SHOC2: variants seen among roughly 807,000 people sequenced by gnomAD.
SHOC2 encodes leucine-rich repeat protein SHOC-2.
Under a neutral mutation model 50.2 loss-of-function variants are expected in SHOC2, and 4 were observed. The ratio of observed to expected loss-of-function variants is 0.08; its 90% confidence interval spans 0.04 to 0.18. The LOEUF is 0.18. Among genes scored for constraint, SHOC2 ranks in the 10% least tolerant of loss-of-function variants. The probability of loss-of-function intolerance (pLI) is 1.00; values close to 1 mark genes in which losing one functional copy is unlikely to be tolerated. For synonymous variants in SHOC2, 218 were observed against 244.5 expected (o/e 0.89, Z 1.01); for missense variants, 388 against 669.6 (o/e 0.58, Z 4.64).
intron 2 of SHOC2, among the ~76,000 whole-genome samples, chr10:110,978,053 C>G (rs1358107030): frequency 6.6e-6 from 1 of 152,240 alleles, no homozygotes; most frequent in Non-Finnish European, 1.5e-5. Flanking sequence ...AGACTAAAAT[C>G]GTTTGCCCTA....
rs200544176 is a variant in SHOC2 at position 111,000,422 on chromosome 10, G to A, written c.849G>A (p.Leu283=). ...TTTTGTGTGTGTTTACAGGAAACCT[G>A]TCCAGTTTAAGTCGTCTTGGTCTGA... The part of the protein sequence containing the change: ...LLDLPDTIGN[L]SSLSRLGLRY... Residue 283 remains leucine, a synonymous_variant, in exon 4 of 9, where the codon CTG becomes CTA. Coordinates refer to ENST00000369452, the MANE Select transcript of SHOC2 (RefSeq NM_007373.4). 1.1e-5 allele frequency: 18 copies of A among 1,613,654 alleles called. No homozygotes were observed. The highest frequency in any genetic ancestry group is 1.4e-5 in the Non-Finnish European group (17 of 1,179,822).
chr10:110,982,405 G>T (rs1847998579), intron 2 of SHOC2, among the ~76,000 whole-genome samples: 1 of 151,656 alleles, frequency 6.6e-6, no homozygotes, highest in Non-Finnish European at 1.5e-5. Flanking sequence ...GGTATTTCCA[G>T]TTCTAGATCC....
Position 110,964,244 on chromosome 10 carries a change from A to G in SHOC2, c.-115A>G. The G allele has an allele frequency of 6.7e-7, 1 of 1,486,310 alleles. No individual in the cohort carries two copies. The highest frequency in any genetic ancestry group is 9.0e-7 in the Non-Finnish European group (1 of 1,110,830). The allele number at this position is 1,486,310 out of a possible 1,614,324, so 92.1% of individuals were successfully genotyped here. A position where few individuals can be genotyped will look rare whatever the true frequency, so the allele number is the denominator to read the frequency against. The stretch of plus-strand genomic sequence containing the variant: ...AGATGGATGTTACTCCATGCTGATT[A>G]CTTCTTCAAGCCAGTACTTTTTTGA... On this transcript the variant is annotated 5_prime_UTR_variant, in exon 2 of 9. Coordinates refer to ENST00000369452, the MANE Select transcript of SHOC2 (RefSeq NM_007373.4). This position sits in a 1 kb window ranked among gnomAD's most constrained non-coding sequence, Gnocchi z 4.9.
chr10:110,940,910 G>GTTTT (rs539552844), intron 1 of SHOC2, among the ~76,000 whole-genome samples: 42 of 119,458 alleles, frequency 3.5e-4, no homozygotes, highest in South Asian at 1.1e-3. Flanking sequence ...TTTGTGGTGG[G>GTTTT]TTTTTTTTTT....
chr10:110,951,081 A>T (rs776631265), intron 1 of SHOC2, among the ~76,000 whole-genome samples: 8 of 152,244 alleles, frequency 5.3e-5, no homozygotes, highest in Non-Finnish European at 7.3e-5. Context: ...AAAGGAAATG[A>T]TCAACAGAGT....
chr10:110,999,523 G>A (rs1161067802), intron 3 of SHOC2, among the ~76,000 whole-genome samples: 1 of 151,974 alleles, frequency 6.6e-6, no homozygotes, highest in Non-Finnish European at 1.5e-5. Flanking sequence ...GATCACTTAA[G>A]GTCAGGAGTT....
chr10:110,965,726 A>G (rs1279304953), intron 2 of SHOC2, among the ~76,000 whole-genome samples: 1 of 152,170 alleles, frequency 6.6e-6, no homozygotes, highest in Admixed American at 6.5e-5. Context: ...AACAAAGAAA[A>G]TGTTTTTTAA....
chr10:110,965,075 G>T lies in SHOC2; in HGVS notation c.703+14G>T. The T allele has an allele frequency of 1.9e-6, 3 of 1,604,858 alleles. No homozygotes were observed. Among genetic ancestry groups the T allele is most frequent in the Non-Finnish European group, 2.6e-6 (3 of 1,172,220 alleles). On this transcript the variant is annotated intron_variant, in intron 2 of 8. Transcript: ENST00000369452. Reference sequence around the variant, plus strand: ...CTGCTGAAATTGGTAAGAGGCCTTGGATTATTATTATTTGTAGTATTTGTT... The same window carrying T: ...CTGCTGAAATTGGTAAGAGGCCTTGTATTATTATTATTTGTAGTATTTGTT...
rs1848572818 is a variant in SHOC2, at chr10:111,011,889, C to T, written c.*71C>T. On this transcript the variant is annotated 3_prime_UTR_variant, in exon 9 of 9. Transcript: ENST00000369452. ...TAATGTTTCTTATCTATATCTGTAT[C>T]TATTTATGTAGATATTGGTATATGG... 2 of 1,217,254 alleles carry T rather than the reference C, an allele frequency of 1.6e-6. No individual in the cohort carries two copies. Among genetic ancestry groups the T allele is most frequent in the Non-Finnish European group, 2.4e-6 (2 of 825,324 alleles). 75.4% of individuals were successfully genotyped at this position (1,217,254 alleles called of 1,614,324 possible).
intron 4 of SHOC2, among the ~76,000 whole-genome samples, chr10:111,001,210 T>C (rs972961985): frequency 1.3e-5 from 2 of 148,246 alleles, no homozygotes; most frequent in Non-Finnish European, 3.0e-5. Context: ...CAGGCTGGAG[T>C]GCAATGGCGC....
intron 3 of SHOC2, among the ~76,000 whole-genome samples, chr10:110,987,008 G>T (rs185201639): frequency 1.5e-3 from 226 of 152,256 alleles, no homozygotes; most frequent in African/African-American, 5.0e-3. Flanking sequence ...TACTGGTAGG[G>T]TGCAGCTCTA....
At chr10:110,971,901 T>C (rs7088524) in intron 2 of SHOC2, among the ~76,000 whole-genome samples, 148,490 of 151,866 alleles carry the variant, frequency 0.98, 72,673 homozygotes, top group East Asian at 1. Context: ...TACATATAAC[T>C]GACACATACA....
At position 110,978,258 on chromosome 10, in the gene SHOC2, A is replaced by C. The variant is rs528851757; in HGVS notation, c.704-7370A>C. Among the ~76,000 whole-genome samples the C allele has an allele frequency of 9.9e-5, 15 of 152,242 alleles. 1 individual carries two copies. The South Asian group carries it at 2.9e-3, about 29-fold the overall frequency. The stretch of plus-strand genomic sequence containing the variant: ...TTCTCAAACATTTTGTTCATTTTCT[A>C]GTTGCATCATGGTGGTAAATAGAAG... On this transcript the variant is annotated intron_variant, in intron 2 of 8. Coordinates refer to ENST00000369452, the MANE Select transcript of SHOC2 (RefSeq NM_007373.4).
chr10:110,932,294 T>C (rs1846911073), intron 1 of SHOC2, among the ~76,000 whole-genome samples: 1 of 152,148 alleles, frequency 6.6e-6, no homozygotes, highest in African/African-American at 2.4e-5. Flanking sequence ...AATTTGGGTT[T>C]AATCCTGAGG....
intron 2 of SHOC2, among the ~76,000 whole-genome samples, chr10:110,970,253 C>G (rs1847754248): frequency 6.6e-6 from 1 of 152,128 alleles, no homozygotes; most frequent in Admixed American, 6.5e-5. Context: ...CTACTCGCTA[C>G]TTCTTTGAGA....
At chr10:110,929,614 T>G (rs576648384) in intron 1 of SHOC2, among the ~76,000 whole-genome samples, 126 of 152,342 alleles carry the variant, frequency 8.3e-4, no homozygotes, top group Middle Eastern at 3.4e-3. Flanking sequence ...TCAGGGCGAA[T>G]GAAGAGTCTC....
intron 1 of SHOC2, among the ~76,000 whole-genome samples, chr10:110,934,663 AT>A (rs1230932318): frequency 6.6e-6 from 1 of 152,136 alleles, no homozygotes; most frequent in African/African-American, 2.4e-5. Context: ...TATATCTTAC[AT>A]GGTGACAACA....
chr10:110,928,828 G>C (rs976090674), intron 1 of SHOC2, among the ~76,000 whole-genome samples: 25 of 152,128 alleles, frequency 1.6e-4, no homozygotes, highest in Admixed American at 1.6e-3. Context: ...CTAGGAGGTG[G>C]AGGTTGCAGT....
intron 1 of SHOC2, among the ~76,000 whole-genome samples, chr10:110,932,041 C>G (rs928917783): frequency 9.2e-5 from 14 of 152,208 alleles, no homozygotes; most frequent in African/African-American, 3.1e-4. Flanking sequence ...TTAGGAAAAG[C>G]CTTCCCAGAC....
Sources: gnomAD v4.1 joint callset for allele counts (sites outside exome capture counted in the v4.1 genomes callset) on GRCh38, gnomAD v4.1.1 for gene constraint, Gnocchi (gnomAD v3.1) non-coding constraint, MANE v1.5 for transcripts, NCBI Gene and HGNC (gene_info 2026-07-23, HGNC 2026-07-21) for gene names.